The following NPAS3 variants were observed in gnomAD, a reference collection of about 807,000 sequenced individuals.
NPAS3 encodes the protein neuronal PAS domain protein 3.
NPAS3 carries 14 observed loss-of-function variants against 73.1 expected under a neutral mutation model. That is an observed-to-expected ratio of 0.19 (90% CI 0.13 to 0.30). NPAS3 has a LOEUF of 0.30. Among genes scored for constraint, NPAS3 ranks in the 10% least tolerant of loss-of-function variants. NPAS3 has a pLI of 1.00. For synonymous variants in NPAS3, 620 were observed against 541.5 expected (o/e 1.14, Z -2.01); for missense variants, 1,096 against 1,250.0 (o/e 0.88, Z 1.86).
intron 3 of NPAS3, among the ~76,000 whole-genome samples, chr14:33,249,345 C>A (rs542422291): frequency 5.9e-4 from 24 of 40,880 alleles, no homozygotes; most frequent in Admixed American, 3.0e-3. Flanking sequence ...TCCCGTCCCC[C>A]CCACCTTTTT....
chr14:33,771,693 C>T lies in NPAS3; in HGVS notation c.853-2644C>T, dbSNP rs78119202. ...TGGGCATGGTGGCGGGGCCTGTGGTCCCAGCTACTCAGGAGGCTGAGGCAG... is the reference window on the plus strand; with the variant it reads ...TGGGCATGGTGGCGGGGCCTGTGGTTCCAGCTACTCAGGAGGCTGAGGCAG... On this transcript the variant is annotated intron_variant, in intron 7 of 11. Coordinates refer to ENST00000356141, the Ensembl canonical transcript of NPAS3. Among the ~76,000 whole-genome samples the T allele has an allele frequency of 6.5e-3, 988 of 152,162 alleles. 13 individuals carry two copies. Among genetic ancestry groups the T allele is most frequent in the African/African-American group, 0.023 (956 of 41,504 alleles).
intron 3 of NPAS3, among the ~76,000 whole-genome samples, chr14:33,252,535 G>A (rs1460812193): frequency 6.6e-6 from 1 of 151,842 alleles, no homozygotes; most frequent in African/African-American, 2.4e-5. Flanking sequence ...TCTTTTATTG[G>A]TTATTCTTGA....
At chr14:33,506,643 A>G (rs1487122142) in intron 4 of NPAS3, among the ~76,000 whole-genome samples, 4 of 152,054 alleles carry the variant, frequency 2.6e-5, no homozygotes, top group Non-Finnish European at 4.4e-5. Flanking sequence ...TTTGTAGACA[A>G]TGTTAGTGTA....
At chr14:33,483,827 T>C (rs2051448467) in intron 4 of NPAS3, among the ~76,000 whole-genome samples, 1 of 152,238 alleles carries the variant, frequency 6.6e-6, no homozygotes, top group Non-Finnish European at 1.5e-5. Flanking sequence ...AGCCTACGGC[T>C]GACCTTTTTT....
intron 5 of NPAS3, among the ~76,000 whole-genome samples, chr14:33,664,229 T>C (rs1452016217): frequency 1.3e-5 from 2 of 152,150 alleles, no homozygotes; most frequent in South Asian, 2.1e-4. Flanking sequence ...TCTACAACCA[T>C]CTGATCTTTG....
chr14:33,197,063 G>C (rs2046382870), intron 2 of NPAS3, among the ~76,000 whole-genome samples: 1 of 152,134 alleles, frequency 6.6e-6, no homozygotes, highest in African/African-American at 2.4e-5. Flanking sequence ...TGGATTTCTA[G>C]TGACATGAGC....
intron 1 of NPAS3, among the ~76,000 whole-genome samples, chr14:33,040,261 C>T (rs2040308727): frequency 6.6e-6 from 1 of 152,044 alleles, no homozygotes; most frequent in Non-Finnish European, 1.5e-5. Context: ...TTTATTATTT[C>T]AAGGAAATAA....
intron 4 of NPAS3, among the ~76,000 whole-genome samples, chr14:33,510,880 A>C (rs1436499835): frequency 1.3e-5 from 2 of 151,990 alleles, no homozygotes; most frequent in Non-Finnish European, 2.9e-5. Flanking sequence ...TTCTTTACCA[A>C]CATGTTGAAT....
At chr14:33,140,026 C>A (rs2043988178) in intron 2 of NPAS3, among the ~76,000 whole-genome samples, 1 of 151,814 alleles carries the variant, frequency 6.6e-6, no homozygotes, top group Admixed American at 6.6e-5. Flanking sequence ...GCTGTCAGTG[C>A]TCCTTCTTAA....
At chr14:33,626,813 T>C (rs1474500697) in intron 5 of NPAS3, among the ~76,000 whole-genome samples, 1 of 152,166 alleles carries the variant, frequency 6.6e-6, no homozygotes, top group Admixed American at 6.5e-5. Flanking sequence ...TTTTAGGTTA[T>C]CCATACAAAG....
chr14:33,618,993 G>T (rs1241999607), intron 5 of NPAS3, among the ~76,000 whole-genome samples: 1 of 152,180 alleles, frequency 6.6e-6, no homozygotes, highest in African/African-American at 2.4e-5. Flanking sequence ...TGGATTTCTT[G>T]TTCTTTGAAA....
intron 3 of NPAS3, among the ~76,000 whole-genome samples, chr14:33,327,624 G>A (rs575454010): frequency 2.4e-4 from 36 of 152,332 alleles, no homozygotes; most frequent in South Asian, 2.1e-4. Flanking sequence ...ATTCTAAGAA[G>A]AGAGATATTA....
At chr14:33,476,896 G>C (rs962294878) in intron 4 of NPAS3, among the ~76,000 whole-genome samples, 1 of 152,176 alleles carries the variant, frequency 6.6e-6, no homozygotes, top group Non-Finnish European at 1.5e-5. Flanking sequence ...GACAGTGTTT[G>C]ACAGAGAATA....
chr14:33,738,139 CTCT>C (rs2061569559), intron 7 of NPAS3, among the ~76,000 whole-genome samples: 1 of 152,138 alleles, frequency 6.6e-6, no homozygotes, highest in Non-Finnish European at 1.5e-5. Flanking sequence ...TGAAATCCTC[CTCT>C]ATGCCAGGCA....
At chr14:33,546,111 A>G (rs1428573812) in intron 4 of NPAS3, among the ~76,000 whole-genome samples, 1 of 152,138 alleles carries the variant, frequency 6.6e-6, no homozygotes, top group Non-Finnish European at 1.5e-5. Context: ...CTACCTCTAT[A>G]GCATAGAAAC....
intron 2 of NPAS3, among the ~76,000 whole-genome samples, chr14:33,100,561 CT>C (rs1412321743): frequency 6.6e-6 from 1 of 152,068 alleles, no homozygotes; most frequent in Non-Finnish European, 1.5e-5. Context: ...CTATTTTTCT[CT>C]TTCAGTATCA....
intron 7 of NPAS3, among the ~76,000 whole-genome samples, chr14:33,762,460 CA>C (rs2062324688): frequency 1.3e-5 from 2 of 152,162 alleles, no homozygotes; most frequent in Non-Finnish European, 2.9e-5. Flanking sequence ...ACTTTTATTT[CA>C]GGGAACTTTC....
At chr14:33,579,942 T>C (rs965407918) in intron 5 of NPAS3, among the ~76,000 whole-genome samples, 8 of 152,326 alleles carry the variant, frequency 5.3e-5, no homozygotes, top group Admixed American at 5.2e-4. Context: ...CCTTATAAAG[T>C]TCTTCTGTTT....
At chr14:33,203,932 C>A (rs1470713006) in intron 2 of NPAS3, among the ~76,000 whole-genome samples, 1 of 152,152 alleles carries the variant, frequency 6.6e-6, no homozygotes, top group Non-Finnish European at 1.5e-5. Context: ...AGTTTACAGT[C>A]CCACCAACAG....
Sources: gnomAD v4.1 joint callset for allele counts (sites outside exome capture counted in the v4.1 genomes callset) on GRCh38, gnomAD v4.1.1 for gene constraint, MANE v1.5 for transcripts, NCBI Gene and HGNC (gene_info 2026-07-23, HGNC 2026-07-21) for gene names.